TMEM87A: variants seen among roughly 807,000 people sequenced by gnomAD.
TMEM87A encodes transmembrane protein 87A, also known as Golgi-pH regulating cation channel.
In TMEM87A, 50 loss-of-function variants were observed where a neutral mutation model predicts 90.0. The observed-to-expected ratio is 0.56, with a 90% CI of 0.44 to 0.70. TMEM87A has a LOEUF of 0.70. Among genes scored for constraint, TMEM87A ranks in the 30% least tolerant of loss-of-function variants. The probability of loss-of-function intolerance (pLI) is 0.00; values close to 1 mark genes in which losing one functional copy is unlikely to be tolerated. For synonymous variants in TMEM87A, 226 were observed against 226.7 expected, an observed-to-expected ratio of 1.00 and a Z score of 0.03; for missense variants, 577 against 660.5, an observed-to-expected ratio of 0.87 and a Z score of 1.39.
At chr15:42,272,576 C>T (rs1455142409) in intron 1 of TMEM87A, 2 of 216,268 alleles carry the variant, frequency 9.2e-6, no homozygotes, top group Non-Finnish European at 1.9e-5. Context: ...TTTGTCTGCT[C>T]ACAGGACTAT....
rs2140984410 is a variant in TMEM87A at position 42,264,199 on chromosome 15, T to C, written c.296A>G (p.Glu99Gly). ...CYNEIYNFKA[E>G]EVELYLEKLK... is the part of the protein sequence containing the mutation. Reference sequence around the variant, plus strand: ...TTTTTCCAAATACAACTCTACTTCTTCTGCCTGGAAAAAGAGATAATACAG... The same window carrying C: ...TTTTTCCAAATACAACTCTACTTCTCCTGCCTGGAAAAAGAGATAATACAG... Residue 99 changes from glutamate (E) to glycine (G), a missense_variant, in exon 4 of 20, where the codon GAA (glutamate) becomes GGA (glycine). Glu to Gly is a moderately conservative substitution (Grantham distance 98). Coordinates refer to ENST00000389834, the MANE Select transcript of TMEM87A (RefSeq NM_015497.5). 1.9e-6 allele frequency: 3 copies of C among 1,610,034 alleles called. No homozygotes were observed. The highest frequency in any genetic ancestry group is 2.5e-6 in the Non-Finnish European group (3 of 1,177,130).
chr15:42,217,935 T>C (rs2050409761), intron 18 of TMEM87A, 102 bp from the exon 19 acceptor site: 2 of 1,192,252 alleles, frequency 1.7e-6, no homozygotes, highest in Admixed American at 5.4e-5. Flanking sequence ...TATAATTATC[T>C]AAGATTTGCA....
At chr15:42,261,085 C>A in intron 5 of TMEM87A, 83 bp from the exon 6 acceptor site, 1 of 1,519,242 alleles carries the variant, frequency 6.6e-7, no homozygotes. Flanking sequence ...ACTGGGGAAG[C>A]CTGCTCCCCA....
chr15:42,216,197 A>C (rs2050381141), intron 19 of TMEM87A, among the ~76,000 whole-genome samples: 1 of 152,250 alleles, frequency 6.6e-6, no homozygotes, highest in Non-Finnish European at 1.5e-5. Context: ...TCAAAGGCAG[A>C]AATAGAATGA....
At chr15:42,216,316 T>G (rs1420756701) in intron 19 of TMEM87A, among the ~76,000 whole-genome samples, 1 of 152,226 alleles carries the variant, frequency 6.6e-6, no homozygotes, top group Non-Finnish European at 1.5e-5. Flanking sequence ...TACAACATTG[T>G]GCTTATACGT....
rs539628249 is a variant in TMEM87A, at chr15:42,226,865, C to T, written c.1344G>A (p.Leu448=). 1 of 1,614,030 alleles carries T rather than the reference C, an allele frequency of 6.2e-7. No homozygotes were observed. ...TGATGACAAAGAGGATCATGGAGAACAGCAAGCGCCAGATGGCATCGTCTA... is the reference window on the plus strand; with the variant it reads ...TGATGACAAAGAGGATCATGGAGAATAGCAAGCGCCAGATGGCATCGTCTA... ...LWVDDAIWRL[L]FSMILFVIMV... The change falls in exon 15 of 20, where the codon CTG becomes CTA. Residue 448 remains leucine (L), a synonymous_variant. Coordinates refer to ENST00000389834, the MANE Select transcript of TMEM87A (RefSeq NM_015497.5).
chr15:42,258,620 T>C, intron 6 of TMEM87A: 1 of 692,942 alleles, frequency 1.4e-6, no homozygotes, highest in Non-Finnish European at 1.8e-6. Flanking sequence ...AAAGACAAAG[T>C]TTCACCACAT....
intron 6 of TMEM87A, among the ~76,000 whole-genome samples, chr15:42,247,718 C>T (rs993889216): frequency 9.9e-5 from 15 of 152,030 alleles, no homozygotes; most frequent in Admixed American, 4.6e-4. Context: ...AGTCAGGTAG[C>T]GTGATGCCTC....
Position 42,219,639 on chromosome 15 carries a change from C to T in TMEM87A, c.1481G>A (p.Gly494Glu). 6.3e-7 allele frequency: 1 copy of T among 1,593,066 alleles called. No homozygotes were observed. The highest frequency in any genetic ancestry group is 8.6e-7 in the Non-Finnish European group (1 of 1,166,618). Residue 494 changes from glycine (G) to glutamate (E), a missense_variant, in exon 17 of 20, where the codon GGA (glycine) becomes GAA (glutamate). Physicochemically the swap from Gly to Glu is moderately conservative, Grantham distance 98. Transcript: ENST00000389834. ...TTGTTTGGTACTTCTCATTTTCATT[C>T]CTTCTGTAGAAGAAAATAAATATAC... ...KEPMLKESFE[G>E]MKMRSTKQEP...
intron 6 of TMEM87A, among the ~76,000 whole-genome samples, chr15:42,249,037 A>C (rs1174090824): frequency 1.3e-5 from 2 of 152,124 alleles, no homozygotes; most frequent in African/African-American, 4.8e-5. Context: ...ACAGGAATTT[A>C]TCCATTTCTT....
At chr15:42,268,268 T>G (rs570271941) in intron 2 of TMEM87A, among the ~76,000 whole-genome samples, 16 of 152,210 alleles carry the variant, frequency 1.1e-4, no homozygotes, top group Non-Finnish European at 1.5e-4. Context: ...CTGGAAACTG[T>G]GGATCTATTT....
intron 2 of TMEM87A, among the ~76,000 whole-genome samples, chr15:42,271,813 A>G (rs2051532852): frequency 6.6e-6 from 1 of 150,688 alleles, no homozygotes. Flanking sequence ...TATACATTAT[A>G]TATACTAATA....
chr15:42,217,878 C>A, intron 18 of TMEM87A, 45 bp from the exon 19 acceptor site: 1 of 1,577,906 alleles, frequency 6.3e-7, no homozygotes. Context: ...TAAAATAAAG[C>A]CATAAATGGT....
chr15:42,216,567 C>G (rs114972291), intron 19 of TMEM87A, among the ~76,000 whole-genome samples: 2,527 of 152,244 alleles, frequency 0.017, 72 homozygotes, highest in African/African-American at 0.058. Flanking sequence ...TCATGGAGAG[C>G]TGAAGTACAA....
intron 6 of TMEM87A, chr15:42,257,882 A>G: frequency 1.0e-6 from 1 of 981,396 alleles, no homozygotes; most frequent in Non-Finnish European, 1.2e-6. Flanking sequence ...ATATGATCTT[A>G]TTTTGGTTAA....
chr15:42,229,106 G>A (rs561095744), intron 12 of TMEM87A, among the ~76,000 whole-genome samples: 6 of 151,958 alleles, frequency 3.9e-5, no homozygotes, highest in South Asian at 2.1e-4. Context: ...AAGCTCAAGC[G>A]ATCCTCCCAC....
At chr15:42,222,624 TCTCAGCTCGCTGCAAC>T (rs1344521786) in intron 15 of TMEM87A, among the ~76,000 whole-genome samples, 7 of 151,950 alleles carry the variant, frequency 4.6e-5, no homozygotes, top group African/African-American at 1.7e-4. Flanking sequence ...AACGGCATGA[TCTCAGCTCGCTGCAAC>T]CTCCGCCTCC....
Position 42,247,521 on chromosome 15 carries a change from C to G in TMEM87A, c.505-3354G>C, listed in dbSNP as rs1475853803. On this transcript the variant is annotated intron_variant, in intron 6 of 19. Transcript: ENST00000389834. ...TCTACATATGCCTAGCCAGTTTTCC[C>G]AGCACCATTTATTAAATAGGGAATC... is the stretch of plus-strand genomic sequence containing the variant. 2.0e-5 allele frequency among the ~76,000 whole-genome samples: 3 copies of G among 152,164 alleles called. No homozygotes were observed. The South Asian group carries it at 6.2e-4, about 31-fold the overall frequency.
At chr15:42,245,105 A>T (rs775625699) in intron 6 of TMEM87A, among the ~76,000 whole-genome samples, 5 of 152,134 alleles carry the variant, frequency 3.3e-5, no homozygotes, top group Non-Finnish European at 7.3e-5. Flanking sequence ...CAGACTAAAC[A>T]ATTCTCCAGA....
Sources: gnomAD v4.1 joint callset for allele counts (sites outside exome capture counted in the v4.1 genomes callset) on GRCh38, gnomAD v4.1.1 for gene constraint, MANE v1.5 for transcripts, NCBI Gene and HGNC (gene_info 2026-07-23, HGNC 2026-07-21) for gene names.